Variants in NPFFR2 observed in about 807,000 individuals in gnomAD.
NPFFR2 encodes the protein G-protein coupled receptor 74.
In NPFFR2, 15 loss-of-function variants were observed where a neutral mutation model predicts 13.1. That is an observed-to-expected ratio of 1.15 (90% CI 0.77 to 1.76). The LOEUF (loss-of-function observed/expected upper bound fraction) is 1.76. NPFFR2 is among the 40% of genes most tolerant of loss of function. The probability of loss-of-function intolerance (pLI) is 0.00; values close to 1 mark genes in which losing one functional copy is unlikely to be tolerated. For missense variants in NPFFR2, 572 were observed against 503.5 expected, an observed-to-expected ratio of 1.14 and a Z score of -1.30; for synonymous variants, 190 against 175.7, an observed-to-expected ratio of 1.08 and a Z score of -0.65.
At chr4:72,069,893 T>TG (rs1491237778) in intron 1 of NPFFR2, among the ~76,000 whole-genome samples, 1 of 152,128 alleles carries the variant, frequency 6.6e-6, no homozygotes, top group Non-Finnish European at 1.5e-5. Context: ...TCATACAAAC[T>TG]GTTAATAATA....
intron 1 of NPFFR2, among the ~76,000 whole-genome samples, chr4:72,047,752 T>A (rs1409302730): frequency 1.3e-5 from 2 of 152,198 alleles, no homozygotes; most frequent in Admixed American, 6.5e-5. Flanking sequence ...TATGCGTATA[T>A]GTTAATAATA....
At chr4:72,117,655 T>A (rs1721752191) in intron 1 of NPFFR2, among the ~76,000 whole-genome samples, 6 of 152,204 alleles carry the variant, frequency 3.9e-5, no homozygotes, top group Admixed American at 3.9e-4. Flanking sequence ...TCAATATTTG[T>A]TAAATCAGTC....
intron 3 of NPFFR2, among the ~76,000 whole-genome samples, chr4:72,141,106 T>A (rs1017081434): frequency 1.3e-5 from 2 of 151,816 alleles, no homozygotes; most frequent in African/African-American, 4.8e-5. Context: ...AGTGGTGATA[T>A]CCCCTTTATC....
At chr4:72,060,644 T>C (rs1403662021) in intron 1 of NPFFR2, among the ~76,000 whole-genome samples, 1 of 152,090 alleles carries the variant, frequency 6.6e-6, no homozygotes, top group East Asian at 1.9e-4. Context: ...TTCTGAACCT[T>C]TGGGGGAAAA....
intron 1 of NPFFR2, among the ~76,000 whole-genome samples, chr4:72,084,324 G>C (rs571367872): frequency 6.6e-5 from 10 of 152,218 alleles, no homozygotes; most frequent in African/African-American, 2.2e-4. Flanking sequence ...GTATGTTGTA[G>C]CTGGGAAACT....
At chr4:72,134,051 G>A (rs1440063599) in intron 2 of NPFFR2, among the ~76,000 whole-genome samples, 1 of 152,074 alleles carries the variant, frequency 6.6e-6, no homozygotes, top group Non-Finnish European at 1.5e-5. Flanking sequence ...GATCACTTGA[G>A]GCCAGGAATT....
At chr4:72,097,088 G>A (rs1721096740) in intron 1 of NPFFR2, among the ~76,000 whole-genome samples, 1 of 151,520 alleles carries the variant, frequency 6.6e-6, no homozygotes, top group African/African-American at 2.4e-5. Flanking sequence ...TCCCTAAATA[G>A]AATCAATAAT....
At chr4:72,079,693 T>A (rs970065761) in intron 1 of NPFFR2, among the ~76,000 whole-genome samples, 4 of 152,174 alleles carry the variant, frequency 2.6e-5, no homozygotes, top group African/African-American at 9.7e-5. Flanking sequence ...GGGGACAGTA[T>A]GTTCAAACTA....
intron 3 of NPFFR2, among the ~76,000 whole-genome samples, chr4:72,144,197 TG>T (rs11322720): frequency 0.48 from 72,713 of 151,784 alleles, 19,880 homozygotes; most frequent in East Asian, 0.78. Context: ...CTTGAATATG[TG>T]GGGGCCTAAG....
At position 72,096,095 on chromosome 4, in the gene NPFFR2, A is replaced by G. The variant is rs752115413; in HGVS notation, c.-7-32490A>G. ...TGTGCAAATATAAAGTCTTTTTTCAAATTATGTTGATACTGTGGATAGTTT... is the reference window on the plus strand; with the variant it reads ...TGTGCAAATATAAAGTCTTTTTTCAGATTATGTTGATACTGTGGATAGTTT... On this transcript the variant is annotated intron_variant, in intron 1 of 3. Transcript: ENST00000308744. Among the ~76,000 whole-genome samples the G allele has an allele frequency of 3.4e-4, 52 of 152,296 alleles. 1 individual carries two copies. The highest frequency in any genetic ancestry group is 1.1e-3 in the Admixed American group (17 of 15,286).
rs10004420 is a variant in NPFFR2 at position 72,128,579 on chromosome 4, A to C, written c.-7-6A>C. 3.2e-6 allele frequency: 5 copies of C among 1,565,396 alleles called. No homozygotes were observed. Among genetic ancestry groups the C allele is most frequent in the Non-Finnish European group, 4.4e-6 (5 of 1,148,262 alleles). On this transcript the variant is annotated splice_region_variant and splice_polypyrimidine_tract_variant and intron_variant, in intron 1 of 3. Transcript: ENST00000308744. ...TGTTTTTCTTTTCTGTCTCTTCTTTATTAAGGTTCATCATGAATGAGAAAT... is the reference window on the plus strand; with the variant it reads ...TGTTTTTCTTTTCTGTCTCTTCTTTCTTAAGGTTCATCATGAATGAGAAAT...
At chr4:72,058,153 A>G (rs1168028121) in intron 1 of NPFFR2, among the ~76,000 whole-genome samples, 1 of 151,992 alleles carries the variant, frequency 6.6e-6, no homozygotes, top group Non-Finnish European at 1.5e-5. Flanking sequence ...GATTTTGATT[A>G]TCGTGTTGTG....
intron 1 of NPFFR2, among the ~76,000 whole-genome samples, chr4:72,113,805 G>A (rs943631078): frequency 3.9e-5 from 6 of 152,192 alleles, no homozygotes; most frequent in South Asian, 2.1e-4. Flanking sequence ...TCTCAGGTTC[G>A]AATAGAAGAT....
At chr4:72,082,326 C>T (rs938571577) in intron 1 of NPFFR2, among the ~76,000 whole-genome samples, 1 of 152,158 alleles carries the variant, frequency 6.6e-6, no homozygotes, top group Non-Finnish European at 1.5e-5. Flanking sequence ...AATGAAGAAG[C>T]CAAGGGGCTA....
intron 3 of NPFFR2, among the ~76,000 whole-genome samples, chr4:72,140,419 TTG>T (rs1722568257): frequency 6.6e-6 from 1 of 152,188 alleles, no homozygotes; most frequent in African/African-American, 2.4e-5. Context: ...TCTTATTATT[TTG>T]AGATACATTC....
chr4:72,080,533 T>C (rs1720587078), intron 1 of NPFFR2, among the ~76,000 whole-genome samples: 1 of 152,178 alleles, frequency 6.6e-6, no homozygotes, highest in African/African-American at 2.4e-5. Flanking sequence ...CCATGTTTCA[T>C]GGACCTGCAG....
chr4:72,113,003 A>G (rs1721610771), intron 1 of NPFFR2, among the ~76,000 whole-genome samples: 1 of 152,100 alleles, frequency 6.6e-6, no homozygotes, highest in Admixed American at 6.6e-5. Flanking sequence ...GAAGCCCTGC[A>G]AGTAATGATT....
intron 3 of NPFFR2, among the ~76,000 whole-genome samples, chr4:72,142,935 T>A (rs1722677234): frequency 6.6e-6 from 1 of 152,178 alleles, no homozygotes; most frequent in Admixed American, 6.6e-5. Flanking sequence ...TATTTACAAA[T>A]AATGCTTTCT....
intron 2 of NPFFR2, among the ~76,000 whole-genome samples, chr4:72,136,977 A>T (rs968225519): frequency 6.6e-6 from 1 of 152,196 alleles, no homozygotes; most frequent in Non-Finnish European, 1.5e-5. Context: ...AGATAAGGTA[A>T]AATATATGCT....
Sources: gnomAD v4.1 joint callset for allele counts (sites outside exome capture counted in the v4.1 genomes callset) on GRCh38, gnomAD v4.1.1 for gene constraint, MANE v1.5 for transcripts, NCBI Gene and HGNC (gene_info 2026-07-23, HGNC 2026-07-21) for gene names.